The following FAM186A variants were observed in gnomAD, a reference collection of about 807,000 sequenced individuals.
FAM186A encodes protein FAM186A.
A neutral mutation model predicts 216.8 loss-of-function variants in FAM186A; 163 were observed. The ratio of observed to expected loss-of-function variants is 0.75; its 90% CI spans 0.66 to 0.86. The LOEUF is 0.86. FAM186A is among the 40% of genes least tolerant of loss of function. The pLI, the probability that FAM186A is intolerant of heterozygous loss-of-function variation, is 0.00. For synonymous variants in FAM186A, 805 were observed against 1,025.3 expected (o/e 0.79, Z 4.10); for missense variants, 2,184 against 2,746.2 (o/e 0.80, Z 4.58).
chr12:50,356,090 T>C lies in FAM186A; in HGVS notation c.742A>G (p.Thr248Ala), dbSNP rs1031651504. 1 of 1,551,672 alleles carries C rather than the reference T, an allele frequency of 6.4e-7. No individual in the cohort carries two copies. The highest frequency in any genetic ancestry group is 8.7e-7 in the Non-Finnish European group (1 of 1,146,982). The change falls in exon 4 of 8, where the codon ACA becomes GCA. Residue 248 changes from threonine (T) to alanine (A), a missense_variant. Physicochemically the swap from Thr to Ala is moderately conservative, Grantham distance 58. Coordinates refer to ENST00000327337, the MANE Select transcript of FAM186A (RefSeq NM_001145475.3). The stretch of plus-strand genomic sequence containing the variant: ...TTGTTTTCCAATGTACTGAACATTG[T>C]GGTGCCTATGAGTTCCTGTAGCATA... ...QGMLQELIGT[T>A]MFSTLENNAI...
In FAM186A at chr12:50,354,855, A is replaced by T. The variant is rs1015223674; in HGVS notation, c.1977T>A (p.Ser659Arg). The change falls in exon 4 of 8, where the codon AGT becomes AGA. Residue 659 changes from serine to arginine, a missense_variant. Ser to Arg is a moderately radical substitution (Grantham distance 110). This residue lies in a region of FAM186A where 1,132 missense variants were observed against 1,263.4 expected (regional missense o/e 0.90). Coordinates refer to ENST00000327337, the MANE Select transcript of FAM186A (RefSeq NM_001145475.3). ...TACTCTGTTCACTTTTGCCATCTGG[A>T]CTTTCTAGAACTCTGGTAGATTCTG... ...ETSESTRVLESPDGKSEQSNL... is the reference protein window; with the variant it reads ...ETSESTRVLERPDGKSEQSNL... The T allele has an allele frequency of 5.2e-6, 8 of 1,547,112 alleles. No homozygotes were observed. The Admixed American group carries it at 1.6e-4, about 31-fold the overall frequency.
chr12:50,334,433 G>A (rs1942687927), intron 4 of FAM186A, among the ~76,000 whole-genome samples: 2 of 151,582 alleles, frequency 1.3e-5, no homozygotes, highest in African/African-American at 2.4e-5. Flanking sequence ...TCCTCCCAAA[G>A]TGCTGGGATT....
chr12:50,355,310 A>G lies in FAM186A; in HGVS notation c.1522T>C (p.Ser508Pro). 6.5e-7 allele frequency: 1 copy of G among 1,550,200 alleles called. No homozygotes were observed. ...GACTTTGATTTATCTTCAGAAAAGG[A>G]TTTCATTTCTTTTCTTTTCTTTTTC... Reference protein sequence around the residue: ...VLKKKRKEMKSFSEDKSKSPT... With the variant: ...VLKKKRKEMKPFSEDKSKSPT... Residue 508 changes from serine (S) to proline (P), a missense_variant, in exon 4 of 8, where the codon TCC (serine) becomes CCC (proline). Physicochemically the swap from Ser to Pro is moderately conservative, Grantham distance 74. Coordinates refer to ENST00000327337, the MANE Select transcript of FAM186A (RefSeq NM_001145475.3).
chr12:50,355,153 G>A lies in FAM186A; in HGVS notation c.1679C>T (p.Pro560Leu). Residue 560 changes from proline (P) to leucine (L), a missense_variant, in exon 4 of 8, where the codon CCA (proline) becomes CTA (leucine). By Grantham distance (98) the Pro-to-Leu change is moderately conservative. Around this residue, in one of 7 missense-constraint regions of FAM186A, gnomAD observed 1,132 missense variants for 1,263.4 expected, o/e 0.90. Transcript: ENST00000327337. Reference sequence around the variant, plus strand: ...TTCCACTTTAATCTCTGCTGCAGTTGGACGTTTGTCAAATGGAGATTCACG... The same window carrying A: ...TTCCACTTTAATCTCTGCTGCAGTTAGACGTTTGTCAAATGGAGATTCACG... ...VKRESPFDKR[P>L]TAAEIKVEPT... is the part of the protein sequence containing the mutation. The A allele has an allele frequency of 6.4e-7, 1 of 1,551,514 alleles. No homozygotes were observed. The highest frequency in any genetic ancestry group is 8.7e-7 in the Non-Finnish European group (1 of 1,146,954).
At chr12:50,327,845 T>G (rs933404299) in intron 7 of FAM186A, among the ~76,000 whole-genome samples, 1 of 152,122 alleles carries the variant, frequency 6.6e-6, no homozygotes, top group African/African-American at 2.4e-5. Context: ...GTGCCTGGCC[T>G]GTAATCCATA....
intron 2 of FAM186A, among the ~76,000 whole-genome samples, chr12:50,361,368 T>C (rs569363239): frequency 6.6e-6 from 1 of 151,558 alleles, no homozygotes; most frequent in African/African-American, 2.4e-5. Flanking sequence ...CCAGCTAATT[T>C]TTGTATTTTT....
In FAM186A at chr12:50,354,181, T is replaced by G; in HGVS notation, c.2651A>C (p.Gln884Pro). The change falls in exon 4 of 8, where the codon CAG (glutamine) becomes CCG (proline). Residue 884 changes from glutamine (Q) to proline (P), a missense_variant. Around this residue, in one of 7 missense-constraint regions of FAM186A, gnomAD observed 1,132 missense variants for 1,263.4 expected, o/e 0.90. Coordinates refer to ENST00000327337, the MANE Select transcript of FAM186A (RefSeq NM_001145475.3). The part of the protein sequence containing the change: ...KQEQQSQKQW[Q>P]EEEMWKEEQK... The stretch of plus-strand genomic sequence containing the variant: ...CTCTTCCTTCCACATCTCTTCTTCC[T>G]GCCACTGTTTCTGGCTCTGTTGTTC... 1 of 1,551,748 alleles carries G rather than the reference T, an allele frequency of 6.4e-7. No homozygotes were observed. The highest frequency in any genetic ancestry group is 8.7e-7 in the Non-Finnish European group (1 of 1,146,992).
At chr12:50,331,348 T>G (rs1156702738) in intron 6 of FAM186A, among the ~76,000 whole-genome samples, 1 of 152,198 alleles carries the variant, frequency 6.6e-6, no homozygotes, top group Non-Finnish European at 1.5e-5. Flanking sequence ...CAAGCGATTC[T>G]CCTGTCTCAG....
intron 7 of FAM186A, among the ~76,000 whole-genome samples, chr12:50,328,201 ACAATT>A (rs1329017257): frequency 2.6e-5 from 4 of 152,202 alleles, no homozygotes; most frequent in African/African-American, 9.6e-5. Flanking sequence ...CAGTAGGAGA[ACAATT>A]CAATAAATTA....
At position 50,356,206 on chromosome 12, in the gene FAM186A, A is replaced by C; in HGVS notation, c.626T>G (p.Ile209Arg). ...TLWKSWKERV[I>R]KRPSTARALR... The stretch of plus-strand genomic sequence containing the variant: ...AGCACGGGCTGTTGAAGGTCGTTTT[A>C]TAACTCTTTCTTTCCAAGATTTCCA... The change falls in exon 4 of 8, where the codon ATA (isoleucine) becomes AGA (arginine). Residue 209 changes from isoleucine to arginine, a missense_variant. Coordinates refer to ENST00000327337, the MANE Select transcript of FAM186A (RefSeq NM_001145475.3). The C allele has an allele frequency of 6.4e-7, 1 of 1,550,934 alleles. No homozygotes were observed. The highest frequency in any genetic ancestry group is 8.7e-7 in the Non-Finnish European group (1 of 1,146,810).
Position 50,360,646 on chromosome 12 carries a change from C to T in FAM186A, c.583+110G>A, listed in dbSNP as rs538802987. ...GTTGCATTGAACTGAGATCAGGCCACTGCACACCAGCCTGGGTGATAGAGC... is the reference window on the plus strand; with the variant it reads ...GTTGCATTGAACTGAGATCAGGCCATTGCACACCAGCCTGGGTGATAGAGC... On this transcript the variant is annotated intron_variant, in intron 3 of 7. Coordinates refer to ENST00000327337, the MANE Select transcript of FAM186A (RefSeq NM_001145475.3). 5.2e-5 allele frequency: 50 copies of T among 954,046 alleles called. No individual in the cohort carries two copies. In the South Asian group the frequency reaches 9.1e-4, roughly 17 times the overall value. The allele number at this position is 954,046 out of a possible 1,614,324, so 59.1% of individuals were successfully genotyped here.
intron 1 of FAM186A, among the ~76,000 whole-genome samples, chr12:50,393,531 G>T (rs552952957): frequency 8.7e-4 from 131 of 150,096 alleles, no homozygotes; most frequent in Middle Eastern, 7.1e-3. Flanking sequence ...GTCAGAGCGA[G>T]ACTCCATCTC....
intron 1 of FAM186A, among the ~76,000 whole-genome samples, chr12:50,393,572 C>A (rs1159908616): frequency 2.6e-5 from 4 of 151,320 alleles, no homozygotes; most frequent in Admixed American, 2.6e-4. Context: ...TTGGGCCAGG[C>A]GTGGTGGCTC....
Position 50,360,788 on chromosome 12 carries a change from A to G in FAM186A, c.551T>C (p.Leu184Pro), listed in dbSNP as rs1943026134. The change falls in exon 3 of 8, where the codon CTC (leucine) becomes CCC (proline). Residue 184 changes from leucine to proline, a missense_variant. Transcript: ENST00000327337. ...TTTCTTTTGTTTCTTCTTTTCGTCG[A>G]GGAAAGATGTACTAAATCTGCTTAG... ...KILSRFSTSFLDEKKKQKKKI... is the reference protein window; with the variant it reads ...KILSRFSTSFPDEKKKQKKKI... The G allele has an allele frequency of 3.2e-6, 5 of 1,541,580 alleles. No homozygotes were observed. The highest frequency in any genetic ancestry group is 4.4e-6 in the Non-Finnish European group (5 of 1,144,144).
intron 4 of FAM186A, among the ~76,000 whole-genome samples, chr12:50,349,050 CTG>C (rs892658714): frequency 6.6e-6 from 1 of 152,092 alleles, no homozygotes; most frequent in African/African-American, 2.4e-5. Flanking sequence ...CAATTATACT[CTG>C]TTATTTTTAA....
chr12:50,375,716 C>CAAAAAA (rs1188382834), intron 1 of FAM186A, among the ~76,000 whole-genome samples: 2 of 112,818 alleles, frequency 1.8e-5, no homozygotes, highest in African/African-American at 6.2e-5. Context: ...GACTCCATCT[C>CAAAAAA]AAAAAAAAAA....
chr12:50,334,686 C>T (rs1942690824), intron 4 of FAM186A, among the ~76,000 whole-genome samples: 1 of 152,058 alleles, frequency 6.6e-6, no homozygotes, highest in Admixed American at 6.6e-5. Context: ...CCATGTTGTC[C>T]AGGCTGGTCT....
Position 50,352,803 on chromosome 12 carries a change from C to G in FAM186A, c.4029G>C (p.Gln1343His), listed in dbSNP as rs568804579. 159 of 1,548,214 alleles carry G rather than the reference C, an allele frequency of 1.0e-4. 1 individual carries two copies. The African/African-American group carries it at 2.0e-3, about 19-fold the overall frequency. The change falls in exon 4 of 8, where the codon CAG becomes CAC. Residue 1343 changes from glutamine to histidine, a missense_variant. Physicochemically the swap from Gln to His is conservative, Grantham distance 24. Around this residue, in one of 7 missense-constraint regions of FAM186A, gnomAD observed 267 missense variants for 446.2 expected, o/e 0.60. Coordinates refer to ENST00000327337, the MANE Select transcript of FAM186A (RefSeq NM_001145475.3). The part of the protein sequence containing the change: ...QTQEITLTPQ[Q>H]AQALGMPLTT... ...TGAGAGGCATCCCCAAGGCCTGGGCCTGCTGAGGGGTGAGAGTGATCTCCT... is the reference window on the plus strand; with the variant it reads ...TGAGAGGCATCCCCAAGGCCTGGGCGTGCTGAGGGGTGAGAGTGATCTCCT...
chr12:50,340,464 G>C (rs977718893), intron 4 of FAM186A, among the ~76,000 whole-genome samples: 5 of 152,018 alleles, frequency 3.3e-5, no homozygotes, highest in African/African-American at 1.2e-4. Context: ...GATCCCAGTA[G>C]CTTGAGAGGC....
Sources: allele counts gnomAD v4.1 joint callset (sites outside exome capture counted in the v4.1 genomes callset), GRCh38; gene constraint gnomAD v4.1.1; regional missense constraint gnomAD v4.1.1; transcripts MANE v1.5; gene names NCBI Gene and HGNC (gene_info 2026-07-23, HGNC 2026-07-21).